Variants in INPP5D observed in about 807,000 individuals in gnomAD.
The protein encoded by INPP5D is phosphatidylinositol 3,4,5-trisphosphate 5-phosphatase 1.
In INPP5D, 33 loss-of-function variants were observed where a neutral mutation model predicts 122.9. The ratio of observed to expected loss-of-function variants is 0.27; its 90% CI spans 0.20 to 0.36. The LOEUF (loss-of-function observed/expected upper bound fraction) is 0.36, where lower values mean the gene tolerates loss of function less well. Among genes scored for constraint, INPP5D ranks in the 10% least tolerant of loss-of-function variants. INPP5D has a pLI of 1.00. For synonymous variants in INPP5D, 584 were observed against 576.2 expected (o/e 1.01, Z -0.19); for missense variants, 1,053 against 1,412.7 (o/e 0.75, Z 4.08).
intron 2 of INPP5D, among the ~76,000 whole-genome samples, chr2:233,110,620 G>T (rs114282222): frequency 1.1e-4 from 17 of 152,244 alleles, no homozygotes; most frequent in African/African-American, 3.9e-4. Context: ...ACAGTGTTTA[G>T]CTCAAAAAGT....
At chr2:233,123,326 C>T (rs542403772) in intron 3 of INPP5D, among the ~76,000 whole-genome samples, 9 of 152,050 alleles carry the variant, frequency 5.9e-5, no homozygotes, top group East Asian at 3.9e-4. Flanking sequence ...TGGTGGTACG[C>T]GCCTGTAGTT....
chr2:233,128,860 T>G lies in INPP5D; in HGVS notation c.525-1648T>G, dbSNP rs7597516. 5.3e-5 allele frequency among the ~76,000 whole-genome samples: 8 copies of G among 152,188 alleles called. No individual in the cohort carries two copies. Among genetic ancestry groups the G allele is most frequent in the African/African-American group, 1.9e-4 (8 of 41,544 alleles). ...AAGCCTTGTGGCCTTTAGTTTCAAT[T>G]TGATTACATATCAAGCCTGGAATAA... On this transcript the variant is annotated intron_variant, in intron 4 of 26. Transcript: ENST00000445964. This position sits in a 1 kb window ranked among gnomAD's most constrained non-coding sequence, Gnocchi z 4.5.
At chr2:233,167,875 G>A (rs1694386525) in intron 13 of INPP5D, among the ~76,000 whole-genome samples, 1 of 151,696 alleles carries the variant, frequency 6.6e-6, no homozygotes, top group African/African-American at 2.4e-5. Flanking sequence ...TGTGGTGGTG[G>A]GTGCCTGTAG....
intron 5 of INPP5D, among the ~76,000 whole-genome samples, chr2:233,135,773 T>C (rs1319351953): frequency 6.6e-6 from 1 of 152,046 alleles, no homozygotes; most frequent in East Asian, 1.9e-4. Flanking sequence ...TTCAGAAAGT[T>C]CCTAAAAATG....
chr2:233,108,890 C>T (rs1692533844), intron 2 of INPP5D, among the ~76,000 whole-genome samples: 1 of 152,224 alleles, frequency 6.6e-6, no homozygotes, highest in South Asian at 2.1e-4. Flanking sequence ...GCTACCCATC[C>T]ACAGTCTTGC....
At position 233,078,914 on chromosome 2, in the gene INPP5D, C is replaced by T. The variant is rs957205405; in HGVS notation, c.135-421C>T. ...GCCAGGATGGTCTCAATCTCTTGAC[C>T]TTGTGATCCACCCATCTCAGCCTCC... is the stretch of plus-strand genomic sequence containing the variant. On this transcript the variant is annotated intron_variant, in intron 1 of 26. Coordinates refer to ENST00000445964, the MANE Select transcript of INPP5D (RefSeq NM_001017915.3). This position sits in a 1 kb window ranked among gnomAD's most constrained non-coding sequence, Gnocchi z 4.6. 2.6e-5 allele frequency among the ~76,000 whole-genome samples: 4 copies of T among 152,126 alleles called. No individual in the cohort carries two copies. Among genetic ancestry groups the T allele is most frequent in the African/African-American group, 9.7e-5 (4 of 41,434 alleles).
chr2:233,188,209 C>T lies in INPP5D; in HGVS notation c.2359-1641C>T, dbSNP rs1694967461. 6.6e-6 allele frequency among the ~76,000 whole-genome samples: 1 copy of T among 152,108 alleles called. No individual in the cohort carries two copies. Among genetic ancestry groups the T allele is most frequent in the Non-Finnish European group, 1.5e-5 (1 of 68,004 alleles). On this transcript the variant is annotated intron_variant, in intron 21 of 26. Transcript: ENST00000445964. The surrounding 1 kb of genome is among the most constrained non-coding windows in gnomAD (Gnocchi z 4.7). ...CTCATCTGCTGTTCCCACAGGACTG[C>T]AGGGGCCTTCACCGTCTCCTGCTCC...
At chr2:233,147,702 G>T (rs1391330464) in intron 9 of INPP5D, 108 bp downstream of exon 9, 3 of 653,336 alleles carry the variant, frequency 4.6e-6, no homozygotes, top group African/African-American at 1.8e-5. Flanking sequence ...TCTTCCGCAC[G>T]CATGCGCGCC....
chr2:233,124,822 G>A (rs35178169), intron 3 of INPP5D, among the ~76,000 whole-genome samples: 10,543 of 152,326 alleles, frequency 0.069, 490 homozygotes, highest in Non-Finnish European at 0.11. Flanking sequence ...TTCCGCAAAC[G>A]AGGTCGCCCA....
At chr2:233,104,790 G>A (rs545046449) in intron 2 of INPP5D, among the ~76,000 whole-genome samples, 13 of 152,238 alleles carry the variant, frequency 8.5e-5, no homozygotes, top group South Asian at 4.1e-4. Context: ...AGAGCTGACC[G>A]CCATAGGTCA....
chr2:233,195,829 T>C (rs541686191), intron 24 of INPP5D, among the ~76,000 whole-genome samples: 2 of 152,230 alleles, frequency 1.3e-5, no homozygotes, highest in African/African-American at 4.8e-5. Flanking sequence ...TAGCTGGGCG[T>C]GGTGGTGGCA....
At chr2:233,149,167 G>A (rs1486736463) in intron 9 of INPP5D, among the ~76,000 whole-genome samples, 11 of 139,092 alleles carry the variant, frequency 7.9e-5, no homozygotes, top group South Asian at 2.3e-4. Context: ...GCAGTGCCAC[G>A]ATCTTGGCTC....
intron 25 of INPP5D, among the ~76,000 whole-genome samples, chr2:233,201,685 C>T (rs748432860): frequency 1.3e-5 from 2 of 152,352 alleles, no homozygotes; most frequent in African/African-American, 2.4e-5. Context: ...GAAAGTCCCA[C>T]ATCTCAGGAA....
chr2:233,146,415 C>G lies in INPP5D; in HGVS notation c.883C>G (p.Leu295Val), dbSNP rs1246999313. ...TCCTGAGTCTCCGCACCGGCCCTCC[C>G]TTATCCCTCCAGTCACCTTTGAGGT... ...EGPESPHRPS[L>V]IPPVTFEVKA... Residue 295 changes from leucine (L) to valine (V), a missense_variant, in exon 8 of 27, where the codon CTT becomes GTT. Leu to Val is a conservative substitution (Grantham distance 32, BLOSUM62 1). Coordinates refer to ENST00000445964, the MANE Select transcript of INPP5D (RefSeq NM_001017915.3). 4.3e-6 allele frequency: 3 copies of G among 704,192 alleles called. No homozygotes were observed. The highest frequency in any genetic ancestry group is 7.8e-6 in the Non-Finnish European group (3 of 385,032). 43.6% of individuals were successfully genotyped at this position (704,192 alleles called of 1,614,324 possible).
rs372583486 is a variant in INPP5D at position 233,204,279 on chromosome 2, G to T, written c.3129G>T (p.Pro1043=). ...PRKDQESPKM[P]RKEPPPCPEP... is the part of the protein sequence containing the mutation. ...AGGACCAGGAATCCCCCAAAATGCC[G>T]CGGAAGGAACCCCCGCCCTGCCCGG... The change falls in exon 26 of 27, where the codon CCG becomes CCT. Residue 1043 remains proline, a synonymous_variant. Coordinates refer to ENST00000445964, the MANE Select transcript of INPP5D (RefSeq NM_001017915.3). 29 of 1,613,328 alleles carry T rather than the reference G, an allele frequency of 1.8e-5. No homozygotes were observed. Among genetic ancestry groups the T allele is most frequent in the Non-Finnish European group, 2.4e-5 (28 of 1,179,828 alleles).
At chr2:233,198,978 G>T (rs1269056870) in intron 25 of INPP5D, among the ~76,000 whole-genome samples, 1 of 151,218 alleles carries the variant, frequency 6.6e-6, no homozygotes, top group Non-Finnish European at 1.5e-5. Context: ...GGCCGGGCAC[G>T]GTGGCTCACG....
chr2:233,094,921 C>T (rs1692096702), intron 2 of INPP5D, among the ~76,000 whole-genome samples: 1 of 152,180 alleles, frequency 6.6e-6, no homozygotes, highest in South Asian at 2.1e-4. Context: ...TCTCCCACCC[C>T]TAATTTGTCC....
chr2:233,124,246 G>A (rs1339391749), intron 3 of INPP5D, among the ~76,000 whole-genome samples: 1 of 152,100 alleles, frequency 6.6e-6, no homozygotes, highest in East Asian at 1.9e-4. Flanking sequence ...TCTCCCCGAA[G>A]AGAGGAGAGA....
intron 1 of INPP5D, among the ~76,000 whole-genome samples, chr2:233,064,426 C>T (rs1018566899): frequency 2.6e-5 from 4 of 152,236 alleles, no homozygotes; most frequent in Admixed American, 6.5e-5. Flanking sequence ...GACAGTGCAC[C>T]GGACAGACCT....
Sources: allele counts gnomAD v4.1 joint callset (sites outside exome capture counted in the v4.1 genomes callset), GRCh38; gene constraint gnomAD v4.1.1; non-coding constraint Gnocchi (gnomAD v3.1); transcripts MANE v1.5; gene names NCBI Gene and HGNC (gene_info 2026-07-23, HGNC 2026-07-21).